ZDBF2: variants seen among roughly 807,000 people sequenced by gnomAD.
ZDBF2 encodes the protein DBF4-type zinc finger-containing protein 2.
Under a neutral mutation model 9.4 loss-of-function variants are expected in ZDBF2, and 6 were observed. That is an observed-to-expected ratio of 0.64 (90% CI 0.35 to 1.27). ZDBF2 has a LOEUF of 1.27. Ranked by LOEUF, ZDBF2 falls within the 50% of genes most tolerant of loss-of-function variation. The probability of loss-of-function intolerance (pLI) is 0.03; values close to 1 mark genes in which losing one functional copy is unlikely to be tolerated. For synonymous variants in ZDBF2, 905 were observed against 946.3 expected (o/e 0.96, Z 0.80); for missense variants, 2,697 against 2,766.8 (o/e 0.97, Z 0.57).
chr2:206,287,174 A>C (rs1691646799), intron 3 of ZDBF2, among the ~76,000 whole-genome samples: 1 of 152,036 alleles, frequency 6.6e-6, no homozygotes, highest in Non-Finnish European at 1.5e-5. Context: ...GTGAGTTTTT[A>C]TACTTTTGGA....
At chr2:206,287,769 C>G (rs1297387681) in intron 3 of ZDBF2, among the ~76,000 whole-genome samples, 1 of 151,928 alleles carries the variant, frequency 6.6e-6, no homozygotes, top group African/African-American at 2.4e-5. Context: ...CTTTTTTTCC[C>G]TGTGACTGGG....
chr2:206,291,750 A>G (rs1043893406), intron 3 of ZDBF2, among the ~76,000 whole-genome samples: 1 of 152,068 alleles, frequency 6.6e-6, no homozygotes, highest in African/African-American at 2.4e-5. Flanking sequence ...TCCTTTTTAT[A>G]TGTTGCTGGA....
intron 1 of ZDBF2, among the ~76,000 whole-genome samples, chr2:206,276,756 A>T (rs191741368): frequency 7.8e-4 from 119 of 152,338 alleles, no homozygotes; most frequent in African/African-American, 2.5e-3. Context: ...GCTGTTTGTT[A>T]TTTAGATGAG....
intron 3 of ZDBF2, among the ~76,000 whole-genome samples, chr2:206,286,021 C>T (rs981001847): frequency 6.6e-6 from 1 of 152,108 alleles, no homozygotes; most frequent in Non-Finnish European, 1.5e-5. Context: ...TTCAGAAGTT[C>T]CTCTTGTTAC....
Position 206,311,454 on chromosome 2 carries a change from A to T in ZDBF2, c.6926A>T (p.Asp2309Val). Residue 2309 changes from aspartate (D) to valine (V), a missense_variant, in exon 5 of 5, where the codon GAT (aspartate) becomes GTT (valine). Around this residue, in one of 3 missense-constraint regions of ZDBF2, gnomAD observed 1,783 missense variants for 1,776.5 expected, o/e 1.00. Transcript: ENST00000374423. ...GTTGCAAGAAGGAGGAAGAAGACTG[A>T]TGAAAGCTACCATGGCCGACAGAAA... ...CRVARRRKKTDESYHGRQKGP... is the reference protein window; with the variant it reads ...CRVARRRKKTVESYHGRQKGP... 2.5e-6 allele frequency: 4 copies of T among 1,612,738 alleles called. No individual in the cohort carries two copies. Among genetic ancestry groups the T allele is most frequent in the Non-Finnish European group, 3.4e-6 (4 of 1,179,494 alleles).
Position 206,304,844 on chromosome 2 carries a change from A to G in ZDBF2, c.316A>G (p.Arg106Gly). The G allele has an allele frequency of 6.2e-7, 1 of 1,613,776 alleles. No individual in the cohort carries two copies. Among genetic ancestry groups the G allele is most frequent in the Non-Finnish European group, 8.5e-7 (1 of 1,179,784 alleles). Residue 106 changes from arginine to glycine, a missense_variant, in exon 5 of 5, where the codon AGA becomes GGA. Transcript: ENST00000374423. ...TGAGGATGAGGATGCTACCGAAGAG[A>G]GACCATCCGAGGTTTCAGAACCTAT... Reference protein sequence around the residue: ...KVEDEDATEERPSEVSEPIEE... With the variant: ...KVEDEDATEEGPSEVSEPIEE...
intron 4 of ZDBF2, among the ~76,000 whole-genome samples, chr2:206,301,837 T>C (rs989489524): frequency 2.6e-5 from 4 of 152,112 alleles, no homozygotes; most frequent in Admixed American, 2.6e-4. Context: ...GGTTGTTATC[T>C]TTTTCGTCTT....
rs748880180 is a variant in ZDBF2, at chr2:206,308,781, T to C, written c.4253T>C (p.Val1418Ala). ...GTAAGTTATGCTTCTCATATTCCTGTTCAGTTTGTGACTGATCAATCTTCT... is the reference window on the plus strand; with the variant it reads ...GTAAGTTATGCTTCTCATATTCCTGCTCAGTTTGTGACTGATCAATCTTCT... Reference protein sequence around the residue: ...FDVSYASHIPVQFVTDQSSVP... With the variant: ...FDVSYASHIPAQFVTDQSSVP... The change falls in exon 5 of 5, where the codon GTT (valine) becomes GCT (alanine). Residue 1418 changes from valine (V) to alanine (A), a missense_variant. This residue lies in a region of ZDBF2 where 1,783 missense variants were observed against 1,776.5 expected (regional missense o/e 1.00). Coordinates refer to ENST00000374423, the MANE Select transcript of ZDBF2 (RefSeq NM_020923.3). 1 of 1,613,858 alleles carries C rather than the reference T, an allele frequency of 6.2e-7. No homozygotes were observed. The highest frequency in any genetic ancestry group is 8.5e-7 in the Non-Finnish European group (1 of 1,179,836).
rs1693208646 is a variant in ZDBF2 at position 206,311,832 on chromosome 2, TTA to T, written c.*241_*242del. 3.3e-6 allele frequency: 1 copy of T among 301,432 alleles called. No homozygotes were observed. The highest frequency in any genetic ancestry group is 5.9e-6 in the Non-Finnish European group (1 of 170,540). 18.7% of individuals were successfully genotyped at this position (301,432 alleles called of 1,614,324 possible). A position where few individuals can be genotyped will look rare whatever the true frequency, so the allele number is the denominator to read the frequency against. Reference sequence around the variant, plus strand: ...TTCTGTAGAAGAACTTCATCTTAATTTATGTCACAAAATAATTTAGCACCGTA... The same window carrying T: ...TTCTGTAGAAGAACTTCATCTTAATTTGTCACAAAATAATTTAGCACCGTA... On this transcript the variant is annotated 3_prime_UTR_variant, in exon 5 of 5. Coordinates refer to ENST00000374423, the MANE Select transcript of ZDBF2 (RefSeq NM_020923.3).
At position 206,297,829 on chromosome 2, in the gene ZDBF2, G is replaced by A. The variant is rs182734317; in HGVS notation, c.188+456G>A. Among the ~76,000 whole-genome samples the A allele has an allele frequency of 2.6e-5, 4 of 152,214 alleles. No individual in the cohort carries two copies. In the East Asian group the frequency reaches 7.7e-4, roughly 29 times the overall value. The stretch of plus-strand genomic sequence containing the variant: ...CGAGTAGCTGGGATTACAGGCATGT[G>A]TCACCACGCCTGGCTAATTTTTTGT... On this transcript the variant is annotated intron_variant, in intron 4 of 4. Transcript: ENST00000374423.
rs371119656 is a variant in ZDBF2 at position 206,304,834 on chromosome 2, T to G, written c.306T>G (p.Ala102=). The G allele has an allele frequency of 7.5e-5, 121 of 1,613,602 alleles. No individual in the cohort carries two copies. The highest frequency in any genetic ancestry group is 9.3e-5 in the Non-Finnish European group (110 of 1,179,788). Residue 102 remains alanine (A), a synonymous_variant, in exon 5 of 5, where the codon GCT becomes GCG. Coordinates refer to ENST00000374423, the MANE Select transcript of ZDBF2 (RefSeq NM_020923.3). The part of the protein sequence containing the change: ...EDEDKVEDED[A]TEERPSEVSE... ...AGGATAAGGTTGAGGATGAGGATGC[T>G]ACCGAAGAGAGACCATCCGAGGTTT... is the stretch of plus-strand genomic sequence containing the variant.
Position 206,309,338 on chromosome 2 carries a change from A to C in ZDBF2, c.4810A>C (p.Ile1604Leu), listed in dbSNP as rs759888565. The C allele has an allele frequency of 6.2e-7, 1 of 1,612,960 alleles. No individual in the cohort carries two copies. The highest frequency in any genetic ancestry group is 1.1e-5 in the South Asian group (1 of 90,882). Residue 1604 changes from isoleucine to leucine, a missense_variant, in exon 5 of 5, where the codon ATA (isoleucine) becomes CTA (leucine). This residue lies in a region of ZDBF2 where 1,783 missense variants were observed against 1,776.5 expected (regional missense o/e 1.00). Coordinates refer to ENST00000374423, the MANE Select transcript of ZDBF2 (RefSeq NM_020923.3). The part of the protein sequence containing the change: ...TNQCKETFKI[I>L]NRKKDYIILG... ...CCAATGCAAAGAGACTTTCAAAATA[A>C]TAAACCGGAAGAAGGACTATATTAT... is the stretch of plus-strand genomic sequence containing the variant.
rs546683949 is a variant in ZDBF2, at chr2:206,311,907, A to C, written c.*314A>C. ...CATATCCCTCTTATTTTTTATGATT[A>C]TCTCTCTCATGCCAGCAAATTTAAC... On this transcript the variant is annotated 3_prime_UTR_variant, in exon 5 of 5. Transcript: ENST00000374423. 4.0e-5 allele frequency: 7 copies of C among 173,762 alleles called. No homozygotes were observed. The highest frequency in any genetic ancestry group is 7.2e-5 in the Non-Finnish European group (6 of 82,866). The allele number at this position is 173,762 out of a possible 1,614,324, so 10.8% of individuals were successfully genotyped here.
In ZDBF2 at chr2:206,311,298, G is replaced by A. The variant is rs1693173786; in HGVS notation, c.6770G>A (p.Ser2257Asn). Reference protein sequence around the residue: ...RYLKKKKSVVSRLKKAKRTAK... With the variant: ...RYLKKKKSVVNRLKKAKRTAK... ...CTGAAGAAGAAAAAATCTGTTGTCA[G>A]TAGGCTAAAGAAGGCGAAGAGAACA... Residue 2257 changes from serine to asparagine, a missense_variant, in exon 5 of 5, where the codon AGT (serine) becomes AAT (asparagine). Ser to Asn is a conservative substitution (Grantham distance 46). Coordinates refer to ENST00000374423, the MANE Select transcript of ZDBF2 (RefSeq NM_020923.3). The A allele has an allele frequency of 6.2e-7, 1 of 1,606,862 alleles. No individual in the cohort carries two copies.
Position 206,297,367 on chromosome 2 carries a change from A to T in ZDBF2, c.182A>T (p.Glu61Val). The change falls in exon 4 of 5, where the codon GAG becomes GTG. Residue 61 changes from glutamate to valine, a missense_variant. Glu to Val is a moderately radical substitution (Grantham distance 121, BLOSUM62 -2). Transcript: ENST00000374423. The stretch of plus-strand genomic sequence containing the variant: ...CAGCACCACCCATATCATTGTCAAG[A>T]GAGCAGGTAAAGTAGTTGATTGGAA... ...VLQHHPYHCQ[E>V]SSSTQDETHV... The T allele has an allele frequency of 6.2e-7, 1 of 1,612,434 alleles. No individual in the cohort carries two copies. The highest frequency in any genetic ancestry group is 8.5e-7 in the Non-Finnish European group (1 of 1,179,356).
intron 4 of ZDBF2, among the ~76,000 whole-genome samples, chr2:206,300,312 G>A (rs527268345): frequency 6.6e-6 from 1 of 152,232 alleles, no homozygotes; most frequent in African/African-American, 2.4e-5. Context: ...ACAATCACAC[G>A]TTGCATTTCG....
Position 206,310,491 on chromosome 2 carries a change from G to A in ZDBF2, c.5963G>A (p.Gly1988Glu). 6.2e-7 allele frequency: 1 copy of A among 1,613,456 alleles called. No individual in the cohort carries two copies. The highest frequency in any genetic ancestry group is 8.5e-7 in the Non-Finnish European group (1 of 1,179,810). The stretch of plus-strand genomic sequence containing the variant: ...AAAACCAAAAAGAAAGTCAAAATTG[G>A]GACAGTTGAATTTCCTGCATCATGT... ...DRKTKKKVKIGTVEFPASCTK... is the reference protein window; with the variant it reads ...DRKTKKKVKIETVEFPASCTK... The change falls in exon 5 of 5, where the codon GGG becomes GAG. Residue 1988 changes from glycine (G) to glutamate (E), a missense_variant. Gly to Glu is a moderately conservative substitution (Grantham distance 98). Transcript: ENST00000374423.
chr2:206,309,154 T>G lies in ZDBF2; in HGVS notation c.4626T>G (p.Asp1542Glu), dbSNP rs762268924. The change falls in exon 5 of 5, where the codon GAT becomes GAG. Residue 1542 changes from aspartate (D) to glutamate (E), a missense_variant. This residue lies in a region of ZDBF2 where 1,783 missense variants were observed against 1,776.5 expected (regional missense o/e 1.00). Transcript: ENST00000374423. Reference sequence around the variant, plus strand: ...ATAGTGATTATGAAGTAATTTCAGATGATATTCCCCTTCAGTTAGTGACTG... The same window carrying G: ...ATAGTGATTATGAAGTAATTTCAGAGGATATTCCCCTTCAGTTAGTGACTG... Reference protein sequence around the residue: ...PGDSDYEVISDDIPLQLVTDP... With the variant: ...PGDSDYEVISEDIPLQLVTDP... 4.4e-5 allele frequency: 71 copies of G among 1,612,244 alleles called. No homozygotes were observed. Among genetic ancestry groups the G allele is most frequent in the Non-Finnish European group, 5.8e-5 (68 of 1,179,044 alleles).
chr2:206,306,026 G>C lies in ZDBF2; in HGVS notation c.1498G>C (p.Ala500Pro), dbSNP rs376189258. 1.2e-6 allele frequency: 2 copies of C among 1,613,404 alleles called. No homozygotes were observed. The highest frequency in any genetic ancestry group is 1.3e-5 in the African/African-American group (1 of 74,924). ...SSSETNFDCD[A>P]SPQSTSDYPQ... ...TTCTGAAACGAATTTTGATTGTGAT[G>C]CTTCACCTCAGTCCACTAGTGACTA... The change falls in exon 5 of 5, where the codon GCT (alanine) becomes CCT (proline). Residue 500 changes from alanine to proline, a missense_variant. Physicochemically the swap from Ala to Pro is conservative, Grantham distance 27. Transcript: ENST00000374423.
Sources: allele counts gnomAD v4.1 joint callset (sites outside exome capture counted in the v4.1 genomes callset), GRCh38; gene constraint gnomAD v4.1.1; regional missense constraint gnomAD v4.1.1; transcripts MANE v1.5; gene names NCBI Gene and HGNC (gene_info 2026-07-23, HGNC 2026-07-21).